The following CCDC146 variants were observed in gnomAD, a reference collection of about 807,000 sequenced individuals.
CCDC146 encodes coiled-coil domain containing 146.
A neutral mutation model predicts 119.3 loss-of-function variants in CCDC146; 92 were observed. That is an observed-to-expected ratio of 0.77 (90% confidence interval 0.65 to 0.92). CCDC146 has a LOEUF of 0.92. Ranked by LOEUF, CCDC146 falls within the 40% of genes least tolerant of loss-of-function variation. CCDC146 has a pLI of 0.00. For synonymous variants in CCDC146, 372 were observed against 371.8 expected, an observed-to-expected ratio of 1.00 and a Z score of -0.01; for missense variants, 1,000 against 1,103.0, an observed-to-expected ratio of 0.91 and a Z score of 1.32.
chr7:77,252,767 A>C (rs1719229221), intron 4 of CCDC146, among the ~76,000 whole-genome samples: 1 of 152,256 alleles, frequency 6.6e-6, no homozygotes, highest in South Asian at 2.1e-4. Context: ...TCAGCAGAAG[A>C]ACTCAATGGA....
intron 1 of CCDC146, among the ~76,000 whole-genome samples, chr7:77,142,914 C>T (rs1790957969): frequency 6.6e-6 from 1 of 151,776 alleles, no homozygotes; most frequent in Non-Finnish European, 1.5e-5. Context: ...ATTTATAATC[C>T]TTTGGGTATA....
rs117249158 is a variant in CCDC146, at chr7:77,276,369, A to G, written c.1440+1717A>G. ...ACTCACGCCAAAGCATTAGTGAGCA[A>G]TGAGGTATGAAGTAGATTTTTGCAA... is the stretch of plus-strand genomic sequence containing the variant. On this transcript the variant is annotated intron_variant, in intron 11 of 18. Transcript: ENST00000285871. 4.8e-3 allele frequency among the ~76,000 whole-genome samples: 726 copies of G among 152,294 alleles called. 3 individuals carry two copies. Among genetic ancestry groups the G allele is most frequent in the Non-Finnish European group, 6.5e-3 (444 of 68,026 alleles).
At chr7:77,184,385 T>C (rs1343705369) in intron 2 of CCDC146, among the ~76,000 whole-genome samples, 1 of 152,218 alleles carries the variant, frequency 6.6e-6, no homozygotes, top group African/African-American at 2.4e-5. Flanking sequence ...AGTGTTGGTC[T>C]TTCCTACCCA....
Position 77,278,766 on chromosome 7 carries a change from C to T in CCDC146, c.1455C>T (p.Asn485=). The T allele has an allele frequency of 4.3e-6, 7 of 1,610,390 alleles. No homozygotes were observed. Among genetic ancestry groups the T allele is most frequent in the Non-Finnish European group, 8.5e-7 (1 of 1,178,170 alleles). ...DFLKAQQKYT[N]IVKEMKAKDL... The stretch of plus-strand genomic sequence containing the variant: ...GTACATTTCAGCAAAAATACACCAA[C>T]ATTGTTAAAGAAATGAAAGCAAAGG... The change falls in exon 12 of 19, where the codon AAC becomes AAT. Residue 485 remains asparagine (N), a synonymous_variant. Transcript: ENST00000285871.
At chr7:77,160,401 G>A (rs945246329) in intron 1 of CCDC146, among the ~76,000 whole-genome samples, 5 of 152,174 alleles carry the variant, frequency 3.3e-5, no homozygotes, top group African/African-American at 1.2e-4. Context: ...CTACCCATGA[G>A]CATGGAATGT....
In CCDC146 at chr7:77,127,482, T is replaced by C. The variant is rs558653995; in HGVS notation, c.-12+4750T>C. Reference sequence around the variant, plus strand: ...GCCACTGCCATCATTATCTTTTCTATAAATTGCTAGATTCAACTTGCTAAA... The same window carrying C: ...GCCACTGCCATCATTATCTTTTCTACAAATTGCTAGATTCAACTTGCTAAA... On this transcript the variant is annotated intron_variant, in intron 1 of 18. Coordinates refer to ENST00000285871, the MANE Select transcript of CCDC146 (RefSeq NM_020879.3). Among the ~76,000 whole-genome samples, 771 of 152,274 alleles carry C rather than the reference T, an allele frequency of 5.1e-3. 14 individuals carry two copies. The highest frequency in any genetic ancestry group is 0.017 in the African/African-American group (722 of 41,482).
At chr7:77,194,827 T>C (rs1791834975) in intron 2 of CCDC146, 1 of 152,166 alleles carries the variant, frequency 6.6e-6, no homozygotes, top group Non-Finnish European at 1.5e-5. Context: ...GATCCCTTTT[T>C]ACGATGATGA....
At chr7:77,233,490 T>C (rs1046938373) in intron 2 of CCDC146, among the ~76,000 whole-genome samples, 15 of 137,046 alleles carry the variant, frequency 1.1e-4, no homozygotes, top group African/African-American at 4.3e-4. Flanking sequence ...ATTTATAATT[T>C]TACTTATTTG....
intron 4 of CCDC146, among the ~76,000 whole-genome samples, chr7:77,243,102 G>A (rs184042982): frequency 5.3e-5 from 8 of 152,298 alleles, no homozygotes; most frequent in African/African-American, 1.9e-4. Flanking sequence ...TTGTTCATTA[G>A]CATTGAAAAT....
intron 1 of CCDC146, among the ~76,000 whole-genome samples, chr7:77,152,312 T>A (rs944161310): frequency 6.6e-6 from 1 of 152,162 alleles, no homozygotes; most frequent in African/African-American, 2.4e-5. Context: ...CTATAATTAA[T>A]GTCAGAGCCA....
rs763814282 is a variant in CCDC146 at position 77,294,844 on chromosome 7, T to C, written c.2846T>C (p.Val949Ala). ...GANMRHIRKPVIKPVEI is the reference protein window; with the variant it reads ...GANMRHIRKPAIKPVEI ...AATATGAGGCACATAAGGAAACCTG[T>C]TATAAAGCCAGTTGAAATCTGAATA... Residue 949 changes from valine (V) to alanine (A), a missense_variant, in exon 19 of 19, where the codon GTT (valine) becomes GCT (alanine). Coordinates refer to ENST00000285871, the MANE Select transcript of CCDC146 (RefSeq NM_020879.3). 2 of 1,613,918 alleles carry C rather than the reference T, an allele frequency of 1.2e-6. No individual in the cohort carries two copies. Among genetic ancestry groups the C allele is most frequent in the East Asian group, 4.5e-5 (2 of 44,874 alleles).
chr7:77,283,334 A>G lies in CCDC146; in HGVS notation c.2148+549A>G, dbSNP rs1793795019. 2.0e-5 allele frequency among the ~76,000 whole-genome samples: 3 copies of G among 152,232 alleles called. No homozygotes were observed. The South Asian group carries it at 6.2e-4, about 32-fold the overall frequency. ...TGGAATAGATCCAAAAAACTAAAACATGAAATAACAAAATAAATAAAATGT... is the reference window on the plus strand; with the variant it reads ...TGGAATAGATCCAAAAAACTAAAACGTGAAATAACAAAATAAATAAAATGT... On this transcript the variant is annotated intron_variant, in intron 15 of 18. Transcript: ENST00000285871.
At chr7:77,233,370 A>C (rs1183083005) in intron 2 of CCDC146, among the ~76,000 whole-genome samples, 4 of 151,916 alleles carry the variant, frequency 2.6e-5, no homozygotes, top group African/African-American at 9.7e-5. Context: ...GGGATTACAG[A>C]CGTGAGCCAC....
intron 3 of CCDC146, among the ~76,000 whole-genome samples, chr7:77,237,746 G>C (rs532248067): frequency 6.6e-6 from 1 of 152,286 alleles, no homozygotes; most frequent in South Asian, 2.1e-4. Flanking sequence ...GGCTATCATA[G>C]AAGAGTCCAG....
intron 4 of CCDC146, among the ~76,000 whole-genome samples, chr7:77,251,924 A>C (rs1001672763): frequency 6.6e-6 from 1 of 152,182 alleles, no homozygotes; most frequent in Non-Finnish European, 1.5e-5. Context: ...CGAGGCAGGC[A>C]GATCACCTGA....
At chr7:77,156,092 C>G (rs1296230912) in intron 1 of CCDC146, among the ~76,000 whole-genome samples, 1 of 152,126 alleles carries the variant, frequency 6.6e-6, no homozygotes, top group African/African-American at 2.4e-5. Flanking sequence ...GGGAGGGGTG[C>G]TGATTCTGTA....
Position 77,287,423 on chromosome 7 carries a change from C to T in CCDC146, c.2278-17C>T. 2 of 1,612,974 alleles carry T rather than the reference C, an allele frequency of 1.2e-6. No homozygotes were observed. Among genetic ancestry groups the T allele is most frequent in the Non-Finnish European group, 8.5e-7 (1 of 1,179,420 alleles). On this transcript the variant is annotated splice_polypyrimidine_tract_variant and intron_variant, in intron 16 of 18. Transcript: ENST00000285871. ...TGACTTTTTTTTTATTCCTCTTGAA[C>T]CAATTTTCAAACATAGCTGGAACTA...
intron 14 of CCDC146, among the ~76,000 whole-genome samples, chr7:77,281,129 GAGAA>G (rs1267524277): frequency 3.6e-5 from 5 of 137,522 alleles, no homozygotes; most frequent in African/African-American, 2.9e-5. Context: ...AAAAAAAAGA[GAGAA>G]AGAAAGAAAT....
chr7:77,174,433 G>A lies in CCDC146; in HGVS notation c.156+6609G>A, dbSNP rs117339335. ...GGGCTACCCCATAGGCAGTGTACAC[G>A]GAATAGGAGCTCAGAGGCAGTTCTG... On this transcript the variant is annotated intron_variant, in intron 2 of 18. Transcript: ENST00000285871. Among the ~76,000 whole-genome samples the A allele has an allele frequency of 2.0e-3, 302 of 152,294 alleles. 1 individual carries two copies. Among genetic ancestry groups the A allele is most frequent in the East Asian group, 0.02 (102 of 5,186 alleles).
Sources: gnomAD v4.1 joint callset for allele counts (sites outside exome capture counted in the v4.1 genomes callset) on GRCh38, gnomAD v4.1.1 for gene constraint, MANE v1.5 for transcripts, NCBI Gene and HGNC (gene_info 2026-07-23, HGNC 2026-07-21) for gene names.